The following FHIT variants were observed in gnomAD, a reference collection of about 807,000 sequenced individuals.
FHIT encodes the protein bis(5'-adenosyl)-triphosphatase.
In FHIT, 19 loss-of-function variants were observed where a neutral mutation model predicts 17.9. The ratio of observed to expected loss-of-function variants is 1.06; its 90% CI spans 0.74 to 1.56. The LOEUF is 1.56. Ranked by LOEUF, FHIT falls within the 40% of genes most tolerant of loss-of-function variation. The pLI is 0.00. For synonymous variants in FHIT, 81 were observed against 69.7 expected (o/e 1.16, Z -0.81); for missense variants, 248 against 189.2 (o/e 1.31, Z -1.82).
intron 8 of FHIT, among the ~76,000 whole-genome samples, chr3:59,859,580 A>G (rs1323726086): frequency 2.6e-5 from 4 of 152,120 alleles, no homozygotes; most frequent in Admixed American, 2.6e-4. Context: ...TTAGCCAGGC[A>G]TGGAGGTGTG....
intron 5 of FHIT, among the ~76,000 whole-genome samples, chr3:60,230,586 T>C (rs1704447319): frequency 6.6e-6 from 1 of 152,206 alleles, no homozygotes; most frequent in African/African-American, 2.4e-5. Context: ...ATGGATTCAA[T>C]TCACTGGTCT....
chr3:60,124,057 CAGAGAGAG>C (rs779032573), intron 5 of FHIT, among the ~76,000 whole-genome samples: 5,770 of 63,272 alleles, frequency 0.091, 293 homozygotes, highest in South Asian at 0.2. Context: ...GAGAGAGAGA[CAGAGAGAG>C]AGAGAGATAC....
intron 2 of FHIT, among the ~76,000 whole-genome samples, chr3:61,130,654 C>T (rs1023192926): frequency 2.6e-5 from 4 of 152,210 alleles, no homozygotes; most frequent in African/African-American, 9.6e-5. Context: ...AACACAGGAG[C>T]ATGCCACACA....
chr3:60,698,509 T>C (rs1175971404), intron 4 of FHIT, among the ~76,000 whole-genome samples: 1 of 152,106 alleles, frequency 6.6e-6, no homozygotes, highest in African/African-American at 2.4e-5. Context: ...ATAAAGTAAA[T>C]GTGTTAGTGA....
At chr3:60,775,390 G>A (rs998861779) in intron 4 of FHIT, among the ~76,000 whole-genome samples, 3 of 152,116 alleles carry the variant, frequency 2.0e-5, no homozygotes, top group African/African-American at 4.8e-5. Flanking sequence ...TGTTTGCAGC[G>A]GGGAGGAGCC....
At chr3:59,794,159 A>G (rs1316695380) in intron 8 of FHIT, among the ~76,000 whole-genome samples, 1 of 152,220 alleles carries the variant, frequency 6.6e-6, no homozygotes, top group Non-Finnish European at 1.5e-5. Context: ...GAGAAATATC[A>G]CACGATCTGA....
At chr3:60,250,817 T>A (rs1466593396) in intron 5 of FHIT, among the ~76,000 whole-genome samples, 1 of 152,154 alleles carries the variant, frequency 6.6e-6, no homozygotes, top group Non-Finnish European at 1.5e-5. Flanking sequence ...AGACTTGGTT[T>A]TGCTGCCTGC....
chr3:60,353,120 A>G (rs778257327), intron 5 of FHIT, among the ~76,000 whole-genome samples: 1 of 152,164 alleles, frequency 6.6e-6, no homozygotes, highest in African/African-American at 2.4e-5. Context: ...GGTGATCTTA[A>G]TATTATTTTA....
intron 2 of FHIT, among the ~76,000 whole-genome samples, chr3:61,177,353 G>C (rs976454060): frequency 3.3e-5 from 5 of 152,026 alleles, no homozygotes; most frequent in African/African-American, 7.2e-5. Context: ...CCTGATACAA[G>C]GGAAGGCATG....
intron 5 of FHIT, among the ~76,000 whole-genome samples, chr3:60,360,392 A>C (rs1330461419): frequency 6.6e-6 from 1 of 152,156 alleles, no homozygotes; most frequent in Non-Finnish European, 1.5e-5. Flanking sequence ...GAGAGAAGGC[A>C]CTGGGGCCAA....
intron 4 of FHIT, among the ~76,000 whole-genome samples, chr3:60,547,817 A>T (rs1263869190): frequency 6.6e-6 from 1 of 152,148 alleles, no homozygotes; most frequent in East Asian, 1.9e-4. Flanking sequence ...TGACAGGGCT[A>T]GATAGGCAAC....
chr3:61,181,546 A>G (rs764457827), intron 2 of FHIT, among the ~76,000 whole-genome samples: 8 of 152,188 alleles, frequency 5.3e-5, no homozygotes, highest in Non-Finnish European at 1.0e-4. Context: ...CTGGCCTGTC[A>G]TGTCCAGAAT....
chr3:59,992,402 C>T (rs1699317552), intron 7 of FHIT, among the ~76,000 whole-genome samples: 1 of 152,044 alleles, frequency 6.6e-6, no homozygotes, highest in Non-Finnish European at 1.5e-5. Context: ...ATGCTAAAAT[C>T]AATTTGTAGG....
chr3:59,918,435 C>A (rs1405516018), intron 8 of FHIT, among the ~76,000 whole-genome samples: 2 of 152,104 alleles, frequency 1.3e-5, no homozygotes, highest in Non-Finnish European at 2.9e-5. Context: ...TTAACTATTA[C>A]AGATGAAATC....
At chr3:59,783,834 G>C (rs1368655952) in intron 8 of FHIT, among the ~76,000 whole-genome samples, 1 of 152,186 alleles carries the variant, frequency 6.6e-6, no homozygotes, top group Non-Finnish European at 1.5e-5. Flanking sequence ...AGTGGAAAGT[G>C]ATGGGGGAAA....
At chr3:60,082,275 G>A (rs536504456) in intron 5 of FHIT, among the ~76,000 whole-genome samples, 1 of 151,638 alleles carries the variant, frequency 6.6e-6, no homozygotes, top group Non-Finnish European at 1.5e-5. Context: ...ACCTGCAGCT[G>A]CATTCATGGT....
intron 1 of FHIT, among the ~76,000 whole-genome samples, chr3:61,214,666 C>G (rs1454590799): frequency 6.6e-6 from 1 of 152,100 alleles, no homozygotes; most frequent in Non-Finnish European, 1.5e-5. Flanking sequence ...ATGAGGCCAG[C>G]ATCATCCTGA....
intron 5 of FHIT, among the ~76,000 whole-genome samples, chr3:60,101,302 A>C (rs1316413203): frequency 6.6e-6 from 1 of 152,160 alleles, no homozygotes; most frequent in Non-Finnish European, 1.5e-5. Context: ...GGCCATGTCC[A>C]CCTCGGGCCA....
At chr3:60,731,858 A>T (rs2042037192) in intron 4 of FHIT, among the ~76,000 whole-genome samples, 1 of 152,150 alleles carries the variant, frequency 6.6e-6, no homozygotes, top group Non-Finnish European at 1.5e-5. Flanking sequence ...TCCTGGTGGG[A>T]TGTGGGGTGT....
Sources: allele counts gnomAD v4.1 joint callset (sites outside exome capture counted in the v4.1 genomes callset), GRCh38; gene constraint gnomAD v4.1.1; transcripts MANE v1.5; gene names NCBI Gene and HGNC (gene_info 2026-07-23, HGNC 2026-07-21).